GFRA2: variants seen among roughly 807,000 people sequenced by gnomAD.
The protein encoded by GFRA2 is GDNF family receptor alpha-2.
GFRA2 carries 17 observed loss-of-function variants against 48.3 expected under a neutral mutation model. The observed-to-expected ratio is 0.35, with a 90% CI of 0.24 to 0.53. The LOEUF (loss-of-function observed/expected upper bound fraction) is 0.53. GFRA2 is among the 20% of genes least tolerant of loss of function. GFRA2 has a pLI of 0.93. For missense variants in GFRA2, 660 were observed against 637.3 expected, an observed-to-expected ratio of 1.04 and a Z score of -0.38; for synonymous variants, 305 against 257.2, an observed-to-expected ratio of 1.19 and a Z score of -1.78.
chr8:21,711,176 C>T (rs948075503), intron 4 of GFRA2, among the ~76,000 whole-genome samples: 2 of 152,254 alleles, frequency 1.3e-5, no homozygotes, highest in African/African-American at 4.8e-5. Context: ...TTCCCTCCAA[C>T]ACCAGGAGGT....
intron 4 of GFRA2, among the ~76,000 whole-genome samples, chr8:21,740,796 C>T (rs183244018): frequency 1.3e-5 from 2 of 152,350 alleles, no homozygotes; most frequent in African/African-American, 4.8e-5. Flanking sequence ...ATTTATCTCC[C>T]GCCAGGCCTT....
intron 2 of GFRA2, among the ~76,000 whole-genome samples, chr8:21,780,510 G>A (rs1806928750): frequency 6.6e-6 from 1 of 151,980 alleles, no homozygotes; most frequent in African/African-American, 2.4e-5. Flanking sequence ...TCTCACTGCG[G>A]TCATGCACAC....
intron 4 of GFRA2, among the ~76,000 whole-genome samples, chr8:21,722,836 C>T (rs1308258821): frequency 6.6e-6 from 1 of 152,208 alleles, no homozygotes; most frequent in East Asian, 1.9e-4. Context: ...ATGCCCATGG[C>T]CCAGAAGCCA....
At chr8:21,725,821 C>T (rs1316663779) in intron 4 of GFRA2, among the ~76,000 whole-genome samples, 3 of 152,206 alleles carry the variant, frequency 2.0e-5, no homozygotes, top group Non-Finnish European at 4.4e-5. Context: ...GAGGCATGCA[C>T]ATGTTGGGGC....
chr8:21,753,309 A>T (rs965762124), intron 3 of GFRA2, among the ~76,000 whole-genome samples: 12 of 152,176 alleles, frequency 7.9e-5, no homozygotes, highest in Non-Finnish European at 7.3e-5. Flanking sequence ...AAAATGTAAT[A>T]AGAAAAAAAT....
intron 4 of GFRA2, among the ~76,000 whole-genome samples, chr8:21,725,198 A>G (rs75464794): frequency 1.1e-3 from 171 of 152,362 alleles, no homozygotes; most frequent in African/African-American, 3.2e-3. Context: ...TCATCCCAAG[A>G]AGATTCCTGA....
chr8:21,731,063 G>T (rs1804165230), intron 4 of GFRA2, among the ~76,000 whole-genome samples: 2 of 152,004 alleles, frequency 1.3e-5, no homozygotes, highest in African/African-American at 4.8e-5. Context: ...TTTGAAAGGG[G>T]CCCTGCCACC....
chr8:21,728,188 C>G (rs1803979086), intron 4 of GFRA2, among the ~76,000 whole-genome samples: 1 of 151,826 alleles, frequency 6.6e-6, no homozygotes, highest in Non-Finnish European at 1.5e-5. Context: ...GAACAAAATT[C>G]CCCAGGGAGC....
chr8:21,731,211 A>G (rs1490713989), intron 4 of GFRA2, among the ~76,000 whole-genome samples: 1 of 152,098 alleles, frequency 6.6e-6, no homozygotes, highest in Non-Finnish European at 1.5e-5. Context: ...TTCTGAGTCA[A>G]TGTTCTATGC....
intron 4 of GFRA2, among the ~76,000 whole-genome samples, chr8:21,745,364 G>A (rs935121876): frequency 6.6e-5 from 10 of 152,234 alleles, no homozygotes; most frequent in Non-Finnish European, 1.2e-4. Flanking sequence ...GCCGGGTGCT[G>A]TAGCACTGCA....
At chr8:21,733,810 G>C (rs893548414) in intron 4 of GFRA2, among the ~76,000 whole-genome samples, 13 of 152,220 alleles carry the variant, frequency 8.5e-5, no homozygotes, top group African/African-American at 3.1e-4. Flanking sequence ...AGGAGCATCA[G>C]AAAGCAATGA....
intron 1 of GFRA2, among the ~76,000 whole-genome samples, chr8:21,784,920 G>A (rs1807194067): frequency 6.6e-6 from 1 of 152,130 alleles, no homozygotes; most frequent in Non-Finnish European, 1.5e-5. Context: ...GGCCCCCCAA[G>A]AGCAGCTGAG....
chr8:21,769,871 C>T (rs1173455469), intron 3 of GFRA2, among the ~76,000 whole-genome samples: 1 of 152,180 alleles, frequency 6.6e-6, no homozygotes, highest in Admixed American at 6.5e-5. Flanking sequence ...CCCTCCTCTC[C>T]TGAGCCCATC....
At position 21,702,741 on chromosome 8, in the gene GFRA2, G is replaced by C. The variant is rs577443349; in HGVS notation, c.1218+64C>G. ...ACCCTCCCTCCCTGGCCTCAGCTGA[G>C]TCATTTCCCATGCCACTTCCGGTGC... On this transcript the variant is annotated intron_variant, in intron 7 of 8. Coordinates refer to ENST00000524240, the MANE Select transcript of GFRA2 (RefSeq NM_001495.5). 3.4e-6 allele frequency: 5 copies of C among 1,485,280 alleles called. No homozygotes were observed. In the South Asian group the frequency reaches 5.4e-5, roughly 16 times the overall value. 92.0% of individuals were successfully genotyped at this position (1,485,280 alleles called of 1,614,324 possible). A position where few individuals can be genotyped will look rare whatever the true frequency, so the allele number is the denominator to read the frequency against.
At chr8:21,702,421 G>T (rs996879175) in intron 7 of GFRA2, among the ~76,000 whole-genome samples, 1 of 152,190 alleles carries the variant, frequency 6.6e-6, no homozygotes, top group African/African-American at 2.4e-5. Context: ...TGAGTCCCTG[G>T]TCAAGCCTGC....
intron 3 of GFRA2, among the ~76,000 whole-genome samples, chr8:21,773,164 G>T (rs1485742621): frequency 4.6e-5 from 7 of 152,232 alleles, no homozygotes; most frequent in African/African-American, 1.7e-4. Flanking sequence ...TGTGCGGGAA[G>T]GACTCTCAGC....
intron 7 of GFRA2, among the ~76,000 whole-genome samples, chr8:21,701,566 G>C (rs1277434385): frequency 6.6e-6 from 1 of 152,134 alleles, no homozygotes; most frequent in Non-Finnish European, 1.5e-5. Flanking sequence ...TGCCCAGACT[G>C]ACTTAGTCTG....
chr8:21,786,841 C>T (rs1807295200), intron 1 of GFRA2, among the ~76,000 whole-genome samples: 1 of 152,266 alleles, frequency 6.6e-6, no homozygotes, highest in Non-Finnish European at 1.5e-5. Context: ...TCCTACCTCC[C>T]CACTCGTGGC....
chr8:21,696,885 G>C lies in GFRA2; in HGVS notation c.1219-2368C>G, dbSNP rs973661939. ...GAAATGGAAACAGGAAAGAGGAAGAGGGGGAGGGGACAGAGTGAGAGGAGA... is the reference window on the plus strand; with the variant it reads ...GAAATGGAAACAGGAAAGAGGAAGACGGGGAGGGGACAGAGTGAGAGGAGA... On this transcript the variant is annotated intron_variant, in intron 7 of 8. Transcript: ENST00000524240. Among the ~76,000 whole-genome samples the C allele has an allele frequency of 3.3e-4, 48 of 146,796 alleles. 1 individual carries two copies. Among genetic ancestry groups the C allele is most frequent in the Admixed American group, 3.4e-4 (5 of 14,620 alleles).
Sources: allele counts gnomAD v4.1 joint callset (sites outside exome capture counted in the v4.1 genomes callset), GRCh38; gene constraint gnomAD v4.1.1; transcripts MANE v1.5; gene names NCBI Gene and HGNC (gene_info 2026-07-23, HGNC 2026-07-21).